SLC37A2: variants seen among roughly 807,000 people sequenced by gnomAD.
The protein encoded by SLC37A2 is glucose-6-phosphate exchanger SLC37A2.
Under a neutral mutation model 70.7 loss-of-function variants are expected in SLC37A2, and 59 were observed. That is an observed-to-expected ratio of 0.83 (90% CI 0.68 to 1.04). The LOEUF (loss-of-function observed/expected upper bound fraction) is 1.04. Ranked by LOEUF, SLC37A2 falls within the 50% of genes least tolerant of loss-of-function variation. The pLI, the probability that SLC37A2 is intolerant of heterozygous loss-of-function variation, is 0.00. For missense variants in SLC37A2, 580 were observed against 658.1 expected (o/e 0.88, Z 1.30); for synonymous variants, 257 against 262.1 (o/e 0.98, Z 0.19).
chr11:125,071,418 G>A (rs1201077924), intron 1 of SLC37A2, among the ~76,000 whole-genome samples: 2 of 152,210 alleles, frequency 1.3e-5, no homozygotes, highest in Non-Finnish European at 2.9e-5. Flanking sequence ...GCAGCATGAA[G>A]GCTGTCTTCA....
intron 1 of SLC37A2, among the ~76,000 whole-genome samples, chr11:125,067,399 C>T (rs1157534624): frequency 6.6e-6 from 1 of 152,158 alleles, no homozygotes; most frequent in Non-Finnish European, 1.5e-5. Context: ...ATGTCATGTA[C>T]AGAGAGGGCA....
chr11:125,084,952 G>A (rs1441915670), intron 13 of SLC37A2, 79 bp downstream of exon 13: 3 of 1,596,732 alleles, frequency 1.9e-6, no homozygotes, highest in Non-Finnish European at 2.6e-6. Context: ...GCCCACGGGG[G>A]GCACTGACAG....
chr11:125,080,776 C>A lies in SLC37A2; in HGVS notation c.690C>A (p.Ile230=). The change falls in exon 7 of 18, where the codon ATC becomes ATA. Residue 230 remains isoleucine, a synonymous_variant. Transcript: ENST00000403796. The surrounding 1 kb of genome is among the most constrained non-coding windows in gnomAD (Gnocchi z 4.3). ...VMGVITFLFL[I]EHPEDVDCAP... is the part of the protein sequence containing the mutation. ...GCGTCATCACCTTCCTCTTCCTCAT[C>A]GAACGTGAGTGGGCCCCTCACTCCC... is the stretch of plus-strand genomic sequence containing the variant. The A allele has an allele frequency of 6.8e-7, 1 of 1,476,386 alleles. No homozygotes were observed. Among genetic ancestry groups the A allele is most frequent in the Non-Finnish European group, 9.0e-7 (1 of 1,105,552 alleles). 91.5% of individuals were successfully genotyped at this position (1,476,386 alleles called of 1,614,324 possible).
chr11:125,075,933 CTG>C (rs1033019840), intron 1 of SLC37A2, among the ~76,000 whole-genome samples: 1 of 152,174 alleles, frequency 6.6e-6, no homozygotes, highest in African/African-American at 2.4e-5. Flanking sequence ...GGGCTCCACT[CTG>C]AGGCCTATTT....
chr11:125,076,185 G>A (rs146738078), intron 1 of SLC37A2, among the ~76,000 whole-genome samples: 4 of 152,264 alleles, frequency 2.6e-5, no homozygotes, highest in African/African-American at 9.6e-5. Flanking sequence ...CCAGTGGGAT[G>A]GACGGACTGG....
At chr11:125,074,544 G>C (rs1370938468) in intron 1 of SLC37A2, among the ~76,000 whole-genome samples, 1 of 148,004 alleles carries the variant, frequency 6.8e-6, no homozygotes, top group Non-Finnish European at 1.5e-5. Context: ...CCATGGAGCA[G>C]ATAAGGAAGA....
chr11:125,076,213 G>C (rs1350639779), intron 1 of SLC37A2, among the ~76,000 whole-genome samples: 1 of 152,092 alleles, frequency 6.6e-6, no homozygotes, highest in Admixed American at 6.5e-5. Flanking sequence ...AAGAGGGCTG[G>C]GGTCTGTCAC....
At chr11:125,071,413 A>G (rs12289616) in intron 1 of SLC37A2, among the ~76,000 whole-genome samples, 36,877 of 152,168 alleles carry the variant, frequency 0.24, 4,917 homozygotes, top group African/African-American at 0.36. Context: ...CTGCTGCAGC[A>G]TGAAGGCTGT....
rs148408135 is a variant in SLC37A2 at position 125,074,729 on chromosome 11, C to A, written c.60-2028C>A. Among the ~76,000 whole-genome samples, 67 of 152,260 alleles carry A rather than the reference C, an allele frequency of 4.4e-4. No individual in the cohort carries two copies. In the East Asian group the frequency reaches 0.013, roughly 29 times the overall value. The stretch of plus-strand genomic sequence containing the variant: ...GCATGAGTGTGGAGGTGCAGTCTGG[C>A]TTCCTAGTCAACACCAGGCTACGGA... On this transcript the variant is annotated intron_variant, in intron 1 of 17. Coordinates refer to ENST00000403796, the MANE Select transcript of SLC37A2 (RefSeq NM_001145290.2).
At chr11:125,082,140 C>A in intron 9 of SLC37A2, 104 bp from the exon 10 acceptor site, 2 of 1,153,126 alleles carry the variant, frequency 1.7e-6, no homozygotes, top group Non-Finnish European at 1.3e-6. Flanking sequence ...CCTTGTGTGG[C>A]AGGTGATGGA....
At position 125,079,140 on chromosome 11, in the gene SLC37A2, C is replaced by T. The variant is rs564025212; in HGVS notation, c.343C>T (p.Arg115Cys). Reference sequence around the variant, plus strand: ...GGTTTTTGGGGAGCGGCTTCCGCTCCGTTACTACCTCTCAGCTGGAATGCT... The same window carrying T: ...GGTTTTTGGGGAGCGGCTTCCGCTCTGTTACTACCTCTCAGCTGGAATGCT... ...SGVFGERLPL[R>C]YYLSAGMLLS... Residue 115 changes from arginine (R) to cysteine (C), a missense_variant, in exon 5 of 18, where the codon CGT (arginine) becomes TGT (cysteine). Transcript: ENST00000403796. 6.8e-6 allele frequency: 11 copies of T among 1,614,208 alleles called. No individual in the cohort carries two copies. The highest frequency in any genetic ancestry group is 2.2e-5 in the East Asian group (1 of 44,884).
chr11:125,084,425 G>T, intron 12 of SLC37A2, 106 bp downstream of exon 12: 2 of 1,158,552 alleles, frequency 1.7e-6, no homozygotes, highest in Non-Finnish European at 2.6e-6. Context: ...ATGTCGCTGT[G>T]TACGCGTGCA....
chr11:125,079,221 G>A lies in SLC37A2; in HGVS notation c.424G>A (p.Glu142Lys), dbSNP rs1484534234. Reference protein sequence around the residue: ...FGLGYFWNIHELWYFVVIQVC... With the variant: ...FGLGYFWNIHKLWYFVVIQVC... ...CCTGGGATATTTCTGGAACATCCAC[G>A]AGCTCTGGTACTTTGTGGTCATCCA... Residue 142 changes from glutamate (E) to lysine (K), a missense_variant, in exon 5 of 18, where the codon GAG becomes AAG. By Grantham distance (56) the Glu-to-Lys change is moderately conservative. Coordinates refer to ENST00000403796, the MANE Select transcript of SLC37A2 (RefSeq NM_001145290.2). 6 of 1,614,014 alleles carry A rather than the reference G, an allele frequency of 3.7e-6. No individual in the cohort carries two copies. The highest frequency in any genetic ancestry group is 4.2e-6 in the Non-Finnish European group (5 of 1,180,024).
At chr11:125,085,932 C>T (rs1283252068) in intron 16 of SLC37A2, 22 bp from the exon 17 acceptor site, 13 of 1,611,896 alleles carry the variant, frequency 8.1e-6, no homozygotes, top group East Asian at 4.5e-5. Flanking sequence ...CCTCCCTTCC[C>T]TCTGTGCCTT....
chr11:125,079,086 C>G, intron 4 of SLC37A2, 26 bp from the exon 5 acceptor site: 1 of 1,613,798 alleles, frequency 6.2e-7, no homozygotes, highest in Non-Finnish European at 8.5e-7. Flanking sequence ...GGAGCTTAAC[C>G]GCAGATCCAA....
intron 5 of SLC37A2, 30 bp downstream of exon 5, chr11:125,079,277 G>C (rs2135570499): frequency 6.2e-7 from 1 of 1,613,548 alleles, no homozygotes; most frequent in East Asian, 2.2e-5. Flanking sequence ...ACTTGGGCCT[G>C]TGTTGCCGTC....
intron 17 of SLC37A2, chr11:125,086,720 G>A (rs1243722220): frequency 8.3e-6 from 2 of 240,588 alleles, no homozygotes; most frequent in African/African-American, 4.5e-5. Flanking sequence ...TGGTGGATGT[G>A]GTGGTGGCAT....
At chr11:125,085,844 CGT>C in intron 16 of SLC37A2, 108 bp from the exon 17 acceptor site, 1 of 1,254,962 alleles carries the variant, frequency 8.0e-7, no homozygotes, top group Non-Finnish European at 1.2e-6. Flanking sequence ...CAAGTGGCAG[CGT>C]GTCTCTCCCC....
Position 125,072,090 on chromosome 11 carries a change from G to C in SLC37A2, c.60-4667G>C, listed in dbSNP as rs918926439. 9.2e-5 allele frequency among the ~76,000 whole-genome samples: 14 copies of C among 152,272 alleles called. No homozygotes were observed. In the East Asian group the frequency reaches 2.1e-3, roughly 23 times the overall value. On this transcript the variant is annotated intron_variant, in intron 1 of 17. Coordinates refer to ENST00000403796, the MANE Select transcript of SLC37A2 (RefSeq NM_001145290.2). ...CTGTTTCTGACATCTCTCGGGGGCAGCGTCCCTCTGCTGGGCTGTTTCTTG... is the reference window on the plus strand; with the variant it reads ...CTGTTTCTGACATCTCTCGGGGGCACCGTCCCTCTGCTGGGCTGTTTCTTG...
Sources: allele counts gnomAD v4.1 joint callset (sites outside exome capture counted in the v4.1 genomes callset), GRCh38; gene constraint gnomAD v4.1.1; non-coding constraint Gnocchi (gnomAD v3.1); transcripts MANE v1.5; gene names NCBI Gene and HGNC (gene_info 2026-07-23, HGNC 2026-07-21).